SYNGR4: variants seen among roughly 807,000 people sequenced by gnomAD.
The protein encoded by SYNGR4 is synaptogyrin-4.
A neutral mutation model predicts 15.5 loss-of-function variants in SYNGR4; 15 were observed. The ratio of observed to expected loss-of-function variants is 0.97; its 90% CI spans 0.65 to 1.49. The LOEUF (loss-of-function observed/expected upper bound fraction) is 1.49, where lower values mean the gene tolerates loss of function less well. Among genes scored for constraint, SYNGR4 ranks in the 40% most tolerant of loss-of-function variants. The pLI is 0.00. For synonymous variants in SYNGR4, 121 were observed against 127.4 expected, an observed-to-expected ratio of 0.95 and a Z score of 0.34; for missense variants, 292 against 299.3, an observed-to-expected ratio of 0.98 and a Z score of 0.18.
rs34660677 is a variant in SYNGR4, at chr19:48,371,578, A to ATTTT, written c.94-1925_94-1922dup. On this transcript the variant is annotated intron_variant, in intron 2 of 4. Coordinates refer to ENST00000344846, the MANE Select transcript of SYNGR4 (RefSeq NM_012451.4). Reference sequence around the variant, plus strand: ...TCCAGGCTCTGACACTGACCAGCTGATTTTTTTTTTTTTTTTTGAGACAGG... The same window carrying ATTTT: ...TCCAGGCTCTGACACTGACCAGCTGATTTTTTTTTTTTTTTTTTTTTGAGACAGG... Among the ~76,000 whole-genome samples the ATTTT allele has an allele frequency of 6.4e-3, 910 of 141,900 alleles. 13 individuals carry two copies. Among genetic ancestry groups the ATTTT allele is most frequent in the African/African-American group, 0.023 (864 of 38,380 alleles). 93.1% of individuals were successfully genotyped at this position (141,900 alleles called of 152,430 possible).
At position 48,373,687 on chromosome 19, in the gene SYNGR4, A is replaced by G. The variant is rs752122489; in HGVS notation, c.264A>G (p.Thr88=). Reference sequence around the variant, plus strand: ...GCCTGGCCTTCCTCGTCCTGGACACACAGGAGACCCGCATTGCCGGCACCC... The same window carrying G: ...GCCTGGCCTTCCTCGTCCTGGACACGCAGGAGACCCGCATTGCCGGCACCC... ...LSCLAFLVLD[T]QETRIAGTRF... Residue 88 remains threonine (T), a synonymous_variant, in exon 3 of 5, where the codon ACA becomes ACG. Coordinates refer to ENST00000344846, the MANE Select transcript of SYNGR4 (RefSeq NM_012451.4). 4.3e-6 allele frequency: 7 copies of G among 1,613,878 alleles called. No homozygotes were observed. The highest frequency in any genetic ancestry group is 3.3e-5 in the South Asian group (3 of 91,064).
intron 3 of SYNGR4, among the ~76,000 whole-genome samples, chr19:48,375,379 TC>T (rs1302958131): frequency 6.6e-6 from 1 of 152,110 alleles, no homozygotes; most frequent in African/African-American, 2.4e-5. Context: ...GGCCGGCGGC[TC>T]CTGTATTAGA....
chr19:48,372,892 G>C (rs1349816415), intron 2 of SYNGR4, among the ~76,000 whole-genome samples: 5 of 152,206 alleles, frequency 3.3e-5, no homozygotes, highest in Non-Finnish European at 7.3e-5. Flanking sequence ...AAGTCGCAGA[G>C]GGAAGGGCTC....
intron 2 of SYNGR4, among the ~76,000 whole-genome samples, chr19:48,369,309 G>T (rs2147404199): frequency 6.6e-6 from 1 of 152,244 alleles, no homozygotes; most frequent in East Asian, 1.9e-4. Context: ...AGAGGGATAG[G>T]GTCCCTCTAG....
At position 48,373,581 on chromosome 19, in the gene SYNGR4, C is replaced by G; in HGVS notation, c.158C>G (p.Pro53Arg). The stretch of plus-strand genomic sequence containing the variant: ...GGCTACCAGAACAAGATGGAGTCTC[C>G]GCAGCTCCACTGCATTCTCAACAGC... ...TDGYQNKMES[P>R]QLHCILNSNS... Residue 53 changes from proline (P) to arginine (R), a missense_variant, in exon 3 of 5, where the codon CCG becomes CGG. By Grantham distance (103) the Pro-to-Arg change is moderately radical (BLOSUM62 -2). Transcript: ENST00000344846. 1.2e-6 allele frequency: 2 copies of G among 1,613,852 alleles called. No individual in the cohort carries two copies. The highest frequency in any genetic ancestry group is 1.1e-5 in the South Asian group (1 of 91,086).
intron 2 of SYNGR4, chr19:48,373,232 C>G: frequency 2.2e-6 from 1 of 445,966 alleles, no homozygotes. Context: ...AAAGACTCCC[C>G]TGGGGCCATG....
rs200538214 is a variant in SYNGR4, at chr19:48,373,669, C to G, written c.246C>G (p.Ala82=). 2.4e-4 allele frequency: 381 copies of G among 1,613,954 alleles called. 3 individuals are homozygous for G. In the South Asian group the frequency reaches 3.9e-3, roughly 17 times the overall value. The stretch of plus-strand genomic sequence containing the variant: ...TCCTGGCCTTCCTCAGCTGCCTGGC[C>G]TTCCTCGTCCTGGACACACAGGAGA... ...AGFLAFLSCL[A]FLVLDTQETR... The change falls in exon 3 of 5, where the codon GCC becomes GCG. Residue 82 remains alanine (A), a synonymous_variant. Transcript: ENST00000344846.
intron 2 of SYNGR4, among the ~76,000 whole-genome samples, chr19:48,369,665 C>T (rs1221282857): frequency 6.6e-6 from 1 of 152,192 alleles, no homozygotes; most frequent in Admixed American, 6.5e-5. Context: ...TTCCACTCCA[C>T]CAAAATGGCT....
At position 48,365,939 on chromosome 19, in the gene SYNGR4, A is replaced by G; in HGVS notation, c.93+4A>G. 6.2e-7 allele frequency: 1 copy of G among 1,613,182 alleles called. No homozygotes were observed. Among genetic ancestry groups the G allele is most frequent in the Non-Finnish European group, 8.5e-7 (1 of 1,179,844 alleles). ...CATCACGCGGGTCTTCGAAGGGGTG[A>G]GGCCCTCCCATGGCCCGACTGTGCC... is the stretch of plus-strand genomic sequence containing the variant. On this transcript the variant is annotated splice_donor_region_variant and intron_variant, in intron 2 of 4. Coordinates refer to ENST00000344846, the MANE Select transcript of SYNGR4 (RefSeq NM_012451.4).
chr19:48,369,730 C>T (rs1410063605), intron 2 of SYNGR4, among the ~76,000 whole-genome samples: 3 of 152,154 alleles, frequency 2.0e-5, no homozygotes, highest in South Asian at 2.1e-4. Flanking sequence ...CACGTGGGGC[C>T]GGTGTGAGGT....
intron 2 of SYNGR4, chr19:48,373,120 G>A (rs959857532): frequency 2.5e-5 from 5 of 200,660 alleles, no homozygotes; most frequent in Admixed American, 5.2e-5. Flanking sequence ...TGAGGGAAGC[G>A]GAGACTCTGC....
chr19:48,375,112 G>A (rs1472544170), intron 3 of SYNGR4, among the ~76,000 whole-genome samples: 1 of 139,936 alleles, frequency 7.1e-6, no homozygotes, highest in Non-Finnish European at 1.5e-5. Context: ...TGTAACCTCC[G>A]CCTCCCAGGT....
At chr19:48,376,016 C>G in intron 4 of SYNGR4, 69 bp from the exon 5 acceptor site, 1 of 1,610,626 alleles carries the variant, frequency 6.2e-7, no homozygotes, top group Non-Finnish European at 8.5e-7. Flanking sequence ...CAGGCCAGTC[C>G]CCAGCCCAGT....
chr19:48,367,458 A>G (rs1156289184), intron 2 of SYNGR4, among the ~76,000 whole-genome samples: 1 of 151,996 alleles, frequency 6.6e-6, no homozygotes, highest in African/African-American at 2.4e-5. Flanking sequence ...TAGTGCAGAT[A>G]TGGGACATTT....
At position 48,364,532 on chromosome 19, in the gene SYNGR4, A is replaced by G. The variant is rs1970156698; in HGVS notation, c.-113A>G. ...TCCTTAAAGGGGAGACCGCGATTCT[A>G]AGAAGGTAGCCCAGTGCCGGGGCGT... is the stretch of plus-strand genomic sequence containing the variant. On this transcript the variant is annotated 5_prime_UTR_variant, in exon 1 of 5. Coordinates refer to ENST00000344846, the MANE Select transcript of SYNGR4 (RefSeq NM_012451.4). 1.3e-5 allele frequency: 2 copies of G among 152,192 alleles called. No homozygotes were observed. Among genetic ancestry groups the G allele is most frequent in the African/African-American group, 4.9e-5 (2 of 41,232 alleles). 9.4% of individuals were successfully genotyped at this position (152,192 alleles called of 1,614,324 possible). A position where few individuals can be genotyped will look rare whatever the true frequency, so the allele number is the denominator to read the frequency against.
At chr19:48,376,020 G>T in intron 4 of SYNGR4, 65 bp from the exon 5 acceptor site, 1 of 1,611,552 alleles carries the variant, frequency 6.2e-7, no homozygotes, top group East Asian at 2.2e-5. Flanking sequence ...CCAGTCCCCA[G>T]CCCAGTCCCT....
At chr19:48,365,085 T>C (rs1389300012) in intron 1 of SYNGR4, among the ~76,000 whole-genome samples, 3 of 144,424 alleles carry the variant, frequency 2.1e-5, no homozygotes, top group East Asian at 2.1e-4. Context: ...GAATCCTCCA[T>C]AGACCCCCTT....
intron 2 of SYNGR4, among the ~76,000 whole-genome samples, chr19:48,369,848 C>T (rs2147404822): frequency 6.6e-6 from 1 of 152,348 alleles, no homozygotes; most frequent in East Asian, 1.9e-4. Flanking sequence ...GACACACCCC[C>T]TCTACAGTCA....
At chr19:48,367,361 A>C (rs1970238309) in intron 2 of SYNGR4, among the ~76,000 whole-genome samples, 1 of 148,726 alleles carries the variant, frequency 6.7e-6, no homozygotes, top group African/African-American at 2.5e-5. Context: ...TGAACCCGGG[A>C]GGTGGAGCTT....
Sources: gnomAD v4.1 joint callset for allele counts (sites outside exome capture counted in the v4.1 genomes callset) on GRCh38, gnomAD v4.1.1 for gene constraint, MANE v1.5 for transcripts, NCBI Gene and HGNC (gene_info 2026-07-23, HGNC 2026-07-21) for gene names.